The following WIF1 variants were observed in gnomAD, a reference collection of about 807,000 sequenced individuals.
WIF1 encodes Wnt inhibitory factor 1.
WIF1 carries 35 observed loss-of-function variants against 53.5 expected under a neutral mutation model. The ratio of observed to expected loss-of-function variants is 0.65; its 90% CI spans 0.50 to 0.87. WIF1 has a LOEUF of 0.87. WIF1 is among the 40% of genes least tolerant of loss of function. The pLI is 0.00. For missense variants in WIF1, 467 were observed against 476.8 expected, an observed-to-expected ratio of 0.98 and a Z score of 0.19; for synonymous variants, 171 against 170.4, an observed-to-expected ratio of 1.00 and a Z score of -0.03.
chr12:65,090,953 A>G (rs1334971429), intron 2 of WIF1, among the ~76,000 whole-genome samples: 3 of 152,144 alleles, frequency 2.0e-5, no homozygotes, highest in Non-Finnish European at 4.4e-5. Context: ...TGTGATCAAC[A>G]GAGGGTCTCT....
chr12:65,079,510 A>G (rs138305808), intron 2 of WIF1, among the ~76,000 whole-genome samples: 157 of 152,082 alleles, frequency 1.0e-3, no homozygotes, highest in African/African-American at 3.6e-3. Context: ...TATTGTTTTC[A>G]TAAGTCTCCT....
intron 3 of WIF1, among the ~76,000 whole-genome samples, chr12:65,074,501 A>G (rs527867577): frequency 5.9e-5 from 9 of 152,108 alleles, no homozygotes; most frequent in Admixed American, 2.0e-4. Flanking sequence ...AAGAGCAAAA[A>G]ATATGATCAA....
At chr12:65,073,082 C>T (rs759212818) in intron 3 of WIF1, among the ~76,000 whole-genome samples, 1 of 152,180 alleles carries the variant, frequency 6.6e-6, no homozygotes, top group Non-Finnish European at 1.5e-5. Flanking sequence ...TAGCCTCAGC[C>T]TCCAGTCAGT....
At chr12:65,076,939 C>A (rs1346273712) in intron 3 of WIF1, among the ~76,000 whole-genome samples, 2 of 150,326 alleles carry the variant, frequency 1.3e-5, no homozygotes, top group Non-Finnish European at 3.0e-5. Flanking sequence ...TATATTATCA[C>A]AAATATGTAA....
intron 2 of WIF1, among the ~76,000 whole-genome samples, chr12:65,113,098 C>G (rs187255114): frequency 6.6e-6 from 1 of 152,134 alleles, no homozygotes; most frequent in Admixed American, 6.5e-5. Context: ...GTGCTTGAGT[C>G]GGAGAGAAAG....
At chr12:65,064,746 T>G (rs891401942) in intron 6 of WIF1, among the ~76,000 whole-genome samples, 5 of 152,154 alleles carry the variant, frequency 3.3e-5, no homozygotes, top group South Asian at 4.1e-4. Context: ...GGAATATAGA[T>G]AGATATATTA....
At chr12:65,076,233 C>T (rs563997664) in intron 3 of WIF1, among the ~76,000 whole-genome samples, 116 of 151,992 alleles carry the variant, frequency 7.6e-4, no homozygotes, top group African/African-American at 2.2e-3. Context: ...GAGACAGTCT[C>T]GCTATGTTGC....
chr12:65,083,288 A>G (rs1447438091), intron 2 of WIF1, among the ~76,000 whole-genome samples: 3 of 152,200 alleles, frequency 2.0e-5, no homozygotes, highest in Non-Finnish European at 2.9e-5. Flanking sequence ...AAATAGTTCA[A>G]TGTTAAAGAC....
At chr12:65,108,659 G>A (rs1883385215) in intron 2 of WIF1, among the ~76,000 whole-genome samples, 1 of 151,988 alleles carries the variant, frequency 6.6e-6, no homozygotes, top group African/African-American at 2.4e-5. Context: ...CTTGGTTCAG[G>A]TGCTCCTCAC....
At chr12:65,082,838 AT>A (rs1882970902) in intron 2 of WIF1, among the ~76,000 whole-genome samples, 1 of 150,792 alleles carries the variant, frequency 6.6e-6, no homozygotes, top group Admixed American at 6.6e-5. Flanking sequence ...TGTGTACTTA[AT>A]CTAATAAGCA....
At chr12:65,054,017 A>G (rs1019251439) in intron 9 of WIF1, 2 of 150,042 alleles carry the variant, frequency 1.3e-5, no homozygotes, top group East Asian at 3.9e-4. Flanking sequence ...TTCAGTTTGT[A>G]TCCATTACTT....
intron 4 of WIF1, 106 bp downstream of exon 4, chr12:65,068,648 CATGTGTGTGT>C (rs775080378): frequency 5.6e-5 from 62 of 1,103,148 alleles, no homozygotes; most frequent in Non-Finnish European, 6.1e-5. Context: ...TCCAAAAAAC[CATGTGTGTGT>C]GTGTGTGTGT....
intron 2 of WIF1, among the ~76,000 whole-genome samples, chr12:65,095,047 C>T (rs1883183005): frequency 6.6e-6 from 1 of 151,792 alleles, no homozygotes; most frequent in East Asian, 1.9e-4. Context: ...ATCCTCTCAC[C>T]TCAACCTCTG....
At chr12:65,101,415 C>T (rs952915958) in intron 2 of WIF1, among the ~76,000 whole-genome samples, 9 of 152,068 alleles carry the variant, frequency 5.9e-5, no homozygotes, top group Non-Finnish European at 1.2e-4. Flanking sequence ...GTCTACCAGC[C>T]TCAGAGTATA....
rs945260600 is a variant in WIF1, at chr12:65,114,058, A to G, written c.288+6359T>C. 3.9e-5 allele frequency among the ~76,000 whole-genome samples: 6 copies of G among 152,358 alleles called. No homozygotes were observed. The East Asian group carries it at 9.6e-4, about 24-fold the overall frequency. On this transcript the variant is annotated intron_variant, in intron 2 of 9. Transcript: ENST00000286574. ...AGACAGTACACATTAAGGGATTTCCATAGTAATAATAAGTGTTACCATAAC... is the reference window on the plus strand; with the variant it reads ...AGACAGTACACATTAAGGGATTTCCGTAGTAATAATAAGTGTTACCATAAC...
chr12:65,119,724 T>C (rs574811962), intron 2 of WIF1, among the ~76,000 whole-genome samples: 1 of 152,338 alleles, frequency 6.6e-6, no homozygotes, highest in South Asian at 2.1e-4. Context: ...ATAAGCATTT[T>C]ATTCTTTCTT....
intron 2 of WIF1, among the ~76,000 whole-genome samples, chr12:65,103,052 A>G (rs1188723095): frequency 6.6e-6 from 1 of 152,226 alleles, no homozygotes. Context: ...TATAATTCAA[A>G]TAGCATTTAT....
intron 9 of WIF1, among the ~76,000 whole-genome samples, chr12:65,053,627 T>G (rs1484206011): frequency 6.6e-6 from 1 of 152,154 alleles, no homozygotes. Context: ...CAAACCTCTT[T>G]CCTTTATACA....
intron 2 of WIF1, among the ~76,000 whole-genome samples, chr12:65,113,786 C>T (rs1055118330): frequency 1.3e-5 from 2 of 152,076 alleles, no homozygotes; most frequent in Non-Finnish European, 2.9e-5. Flanking sequence ...AGAATCTAAA[C>T]GTTAAAGGTT....
Sources: gnomAD v4.1 joint callset for allele counts (sites outside exome capture counted in the v4.1 genomes callset) on GRCh38, gnomAD v4.1.1 for gene constraint, MANE v1.5 for transcripts, NCBI Gene and HGNC (gene_info 2026-07-23, HGNC 2026-07-21) for gene names.